The following STRN3 variants were observed in gnomAD, a reference collection of about 807,000 sequenced individuals.
STRN3 encodes striatin 3.
STRN3 carries 29 observed loss-of-function variants against 95.6 expected under a neutral mutation model. The observed-to-expected ratio is 0.30, with a 90% CI of 0.23 to 0.41. STRN3 has a LOEUF of 0.41. Ranked by LOEUF, STRN3 falls within the 10% of genes least tolerant of loss-of-function variation. The pLI, the probability that STRN3 is intolerant of heterozygous loss-of-function variation, is 1.00. For synonymous variants in STRN3, 331 were observed against 357.6 expected, an observed-to-expected ratio of 0.93 and a Z score of 0.84; for missense variants, 890 against 972.1, an observed-to-expected ratio of 0.92 and a Z score of 1.12.
chr14:30,943,294 T>A (rs1002772118), intron 5 of STRN3, among the ~76,000 whole-genome samples: 8 of 152,152 alleles, frequency 5.3e-5, no homozygotes, highest in Non-Finnish European at 1.0e-4. Flanking sequence ...TTAAAACAAC[T>A]ATTTCCGGCC....
At chr14:30,990,884 T>TGCAGTACA in intron 1 of STRN3, among the ~76,000 whole-genome samples, 1 of 152,340 alleles carries the variant, frequency 6.6e-6, no homozygotes, top group Middle Eastern at 3.4e-3. Context: ...TCTGTACATG[T>TGCAGTACA]GCAGTACAGA....
chr14:30,918,021 G>A (rs185330322), intron 9 of STRN3, among the ~76,000 whole-genome samples: 97 of 151,862 alleles, frequency 6.4e-4, no homozygotes, highest in African/African-American at 1.5e-3. Context: ...ATATATCTTC[G>A]GCTAAAATCA....
At chr14:30,982,824 G>A (rs7150581) in intron 1 of STRN3, among the ~76,000 whole-genome samples, 96,412 of 151,836 alleles carry the variant, frequency 0.63, 31,614 homozygotes, top group Non-Finnish European at 0.73. Flanking sequence ...GAGTGCAGTG[G>A]TGCCGATCAT....
intron 8 of STRN3, among the ~76,000 whole-genome samples, chr14:30,921,884 T>A (rs1412801847): frequency 6.6e-6 from 1 of 152,176 alleles, no homozygotes; most frequent in Non-Finnish European, 1.5e-5. Context: ...TTTATTATTA[T>A]TTGTGAGACA....
intron 1 of STRN3, among the ~76,000 whole-genome samples, chr14:30,993,699 GAC>G (rs146300237): frequency 0.39 from 59,639 of 151,650 alleles, 12,464 homozygotes; most frequent in Non-Finnish European, 0.47. Flanking sequence ...TATTTTTTGA[GAC>G]ACAGTCTCAC....
At chr14:30,954,800 G>C (rs1335811985) in intron 3 of STRN3, among the ~76,000 whole-genome samples, 1 of 151,886 alleles carries the variant, frequency 6.6e-6, no homozygotes, top group Admixed American at 6.6e-5. Flanking sequence ...TCTACTGCAG[G>C]CTCAGTGTGG....
Position 30,935,298 on chromosome 14 carries a change from T to G in STRN3, c.853A>C (p.Asn285His). The change falls in exon 7 of 18, where the codon AAT becomes CAT. Residue 285 changes from asparagine to histidine, a missense_variant. Physicochemically the swap from Asn to His is moderately conservative, Grantham distance 68. Transcript: ENST00000357479. ...GTTAGGTCAGCAGCTAAACCTTCAT[T>G]ACCTATCTGTAAATAGAATATAAAC... ...KHRMNKHKIGNEGLAADLTDD... is the reference protein window; with the variant it reads ...KHRMNKHKIGHEGLAADLTDD... The G allele has an allele frequency of 1.2e-6, 2 of 1,613,744 alleles. No homozygotes were observed. Among genetic ancestry groups the G allele is most frequent in the Non-Finnish European group, 8.5e-7 (1 of 1,179,790 alleles).
rs556615590 is a variant in STRN3 at position 30,961,212 on chromosome 14, G to T, written c.283-4970C>A. ...AAAGTACCATAAAACAAGAAACAAA[G>T]AATAGGCAACACAAAGCCTTTGTAG... On this transcript the variant is annotated intron_variant, in intron 1 of 17. Transcript: ENST00000357479. Among the ~76,000 whole-genome samples, 18 of 152,162 alleles carry T rather than the reference G, an allele frequency of 1.2e-4. No homozygotes were observed. In the South Asian group the frequency reaches 3.5e-3, roughly 30 times the overall value.
intron 3 of STRN3, among the ~76,000 whole-genome samples, chr14:30,951,902 G>T (rs1485017606): frequency 6.6e-6 from 1 of 152,170 alleles, no homozygotes; most frequent in Non-Finnish European, 1.5e-5. Flanking sequence ...CAGATCACTT[G>T]AGCACGGGAA....
chr14:31,004,222 G>C (rs907823603), intron 1 of STRN3, among the ~76,000 whole-genome samples: 1 of 151,876 alleles, frequency 6.6e-6, no homozygotes, highest in South Asian at 2.1e-4. Context: ...AGGAGGTTGA[G>C]GATGCAGTGA....
chr14:30,970,464 C>A (rs1253077613), intron 1 of STRN3, among the ~76,000 whole-genome samples: 1 of 152,204 alleles, frequency 6.6e-6, no homozygotes, highest in Non-Finnish European at 1.5e-5. Context: ...TCCCCTCCCC[C>A]AGCTGTCAGC....
intron 1 of STRN3, among the ~76,000 whole-genome samples, chr14:30,995,932 T>C (rs544029569): frequency 2.6e-5 from 4 of 152,246 alleles, no homozygotes; most frequent in South Asian, 2.1e-4. Context: ...CTAAATTCAG[T>C]TGTCCTCCAA....
At chr14:30,983,872 C>A (rs992440011) in intron 1 of STRN3, among the ~76,000 whole-genome samples, 1 of 151,950 alleles carries the variant, frequency 6.6e-6, no homozygotes, top group Non-Finnish European at 1.5e-5. Flanking sequence ...ATCTAACTAA[C>A]CTTTAAAAAG....
In STRN3 at chr14:31,014,986, C is replaced by T. The variant is rs556268755; in HGVS notation, c.282+10918G>A. ...GGGATTACAGGCATGCGCCACCATG[C>T]CCGGCTAATTTTTGTATTTTTTTCT... On this transcript the variant is annotated intron_variant, in intron 1 of 17. Coordinates refer to ENST00000357479, the MANE Select transcript of STRN3 (RefSeq NM_001083893.2). 2.1e-4 allele frequency among the ~76,000 whole-genome samples: 32 copies of T among 152,204 alleles called. No individual in the cohort carries two copies. In the South Asian group the frequency reaches 6.2e-3, roughly 30 times the overall value.
chr14:30,982,189 CTACTTA>C (rs1881444671), intron 1 of STRN3, among the ~76,000 whole-genome samples: 1 of 151,024 alleles, frequency 6.6e-6, no homozygotes. Context: ...CTTATCTCTT[CTACTTA>C]TAATAGATCC....
rs1879895886 is a variant in STRN3, at chr14:30,956,235, A to G, written c.290T>C (p.Ile97Thr). The part of the protein sequence containing the change: ...EVERAELQAR[I>T]AFLQGERKGQ... ...TTTTCTTTCGCCTTGTAGAAATGCAATCCGGGCCTAAAAATATAAAAGATG... is the reference window on the plus strand; with the variant it reads ...TTTTCTTTCGCCTTGTAGAAATGCAGTCCGGGCCTAAAAATATAAAAGATG... The change falls in exon 2 of 18, where the codon ATT (isoleucine) becomes ACT (threonine). Residue 97 changes from isoleucine to threonine, a missense_variant. Ile to Thr is a moderately conservative substitution (Grantham distance 89). Transcript: ENST00000357479. 1 of 1,613,286 alleles carries G rather than the reference A, an allele frequency of 6.2e-7. No homozygotes were observed. The highest frequency in any genetic ancestry group is 1.7e-5 in the Admixed American group (1 of 59,968).
At chr14:30,988,392 GCAC>G (rs1167411588) in intron 1 of STRN3, among the ~76,000 whole-genome samples, 1 of 152,036 alleles carries the variant, frequency 6.6e-6, no homozygotes, top group Non-Finnish European at 1.5e-5. Context: ...CTTTCTGCTA[GCAC>G]CACAACCTAT....
intron 1 of STRN3, among the ~76,000 whole-genome samples, chr14:31,024,469 T>C (rs1489972467): frequency 6.6e-6 from 1 of 152,224 alleles, no homozygotes; most frequent in Non-Finnish European, 1.5e-5. Context: ...TTTAAAGTTA[T>C]GTAATTTTAA....
chr14:30,990,504 T>C (rs1264521706), intron 1 of STRN3, among the ~76,000 whole-genome samples: 1 of 152,116 alleles, frequency 6.6e-6, no homozygotes, highest in Non-Finnish European at 1.5e-5. Context: ...GGCATGTACT[T>C]GATATGCAAA....
Sources: gnomAD v4.1 joint callset for allele counts (sites outside exome capture counted in the v4.1 genomes callset) on GRCh38, gnomAD v4.1.1 for gene constraint, MANE v1.5 for transcripts, NCBI Gene and HGNC (gene_info 2026-07-23, HGNC 2026-07-21) for gene names.